The following OPCML variants were observed in gnomAD, a reference collection of about 807,000 sequenced individuals.
OPCML encodes opioid binding protein/cell adhesion molecule like, also known as opioid-binding protein/cell adhesion molecule.
OPCML carries 13 observed loss-of-function variants against 37.8 expected under a neutral mutation model. The observed-to-expected ratio is 0.34, with a 90% CI of 0.22 to 0.55. The LOEUF is 0.55. OPCML is among the 20% of genes least tolerant of loss of function. OPCML has a pLI of 0.91. For synonymous variants in OPCML, 176 were observed against 168.8 expected (o/e 1.04, Z -0.33); for missense variants, 341 against 435.6 (o/e 0.78, Z 1.93).
rs528011580 is a variant in OPCML, at chr11:133,517,281, A to G, written c.61+14983T>C. Among the ~76,000 whole-genome samples, 9 of 152,370 alleles carry G rather than the reference A, an allele frequency of 5.9e-5. No individual in the cohort carries two copies. The South Asian group carries it at 1.9e-3, about 32-fold the overall frequency. ...ATATGTGTAGTGATTATATATTTCTATACATGTGTAGTAGTAACCTATATA... is the reference window on the plus strand; with the variant it reads ...ATATGTGTAGTGATTATATATTTCTGTACATGTGTAGTAGTAACCTATATA... On this transcript the variant is annotated intron_variant, in intron 1 of 7. Coordinates refer to ENST00000524381, the MANE Select transcript of OPCML (RefSeq NM_001012393.5).
intron 3 of OPCML, among the ~76,000 whole-genome samples, chr11:132,586,968 G>A (rs1289040145): frequency 2.0e-5 from 3 of 152,072 alleles, no homozygotes; most frequent in South Asian, 2.1e-4. Context: ...TTATGCATTC[G>A]GGCATATGCA....
At chr11:133,294,292 T>C (rs907192386) in intron 1 of OPCML, among the ~76,000 whole-genome samples, 15 of 152,088 alleles carry the variant, frequency 9.9e-5, no homozygotes, top group Non-Finnish European at 1.5e-4. Flanking sequence ...AACAGAGCAG[T>C]GGCCTCCCCT....
rs151113119 is a variant in OPCML at position 132,698,175 on chromosome 11, T to C, written c.147-40856A>G. Among the ~76,000 whole-genome samples, 582 of 152,112 alleles carry C rather than the reference T, an allele frequency of 3.8e-3. 4 individuals are homozygous for C. The highest frequency in any genetic ancestry group is 0.021 in the South Asian group (103 of 4,812). ...GGCATATACCCAGAAGTAAGATTGCTGGATCATTTGATAGTTCTCTTTTTA... is the reference window on the plus strand; with the variant it reads ...GGCATATACCCAGAAGTAAGATTGCCGGATCATTTGATAGTTCTCTTTTTA... On this transcript the variant is annotated intron_variant, in intron 2 of 7. Coordinates refer to ENST00000524381, the MANE Select transcript of OPCML (RefSeq NM_001012393.5).
At chr11:133,462,110 A>G (rs1158012711) in intron 1 of OPCML, among the ~76,000 whole-genome samples, 1 of 152,036 alleles carries the variant, frequency 6.6e-6, no homozygotes, top group East Asian at 1.9e-4. Context: ...AATTTAGCCC[A>G]TATACAAAAA....
chr11:132,693,259 C>G (rs997476696), intron 2 of OPCML, among the ~76,000 whole-genome samples: 6 of 152,150 alleles, frequency 3.9e-5, no homozygotes, highest in Non-Finnish European at 8.8e-5. Flanking sequence ...AGATTGAAGG[C>G]AGAGGAGACA....
chr11:132,732,431 T>C (rs1945109174), intron 2 of OPCML, among the ~76,000 whole-genome samples: 1 of 152,166 alleles, frequency 6.6e-6, no homozygotes, highest in African/African-American at 2.4e-5. Flanking sequence ...GAGGTATTGA[T>C]GGGTTTATCT....
intron 1 of OPCML, among the ~76,000 whole-genome samples, chr11:133,358,410 A>G (rs1301964006): frequency 6.6e-6 from 1 of 152,180 alleles, no homozygotes; most frequent in Non-Finnish European, 1.5e-5. Flanking sequence ...CACCCCAACT[A>G]TTGCCTTGAC....
chr11:133,087,606 T>C (rs1948836473), intron 1 of OPCML, among the ~76,000 whole-genome samples: 1 of 152,230 alleles, frequency 6.6e-6, no homozygotes, highest in Non-Finnish European at 1.5e-5. Context: ...ACATATTAAT[T>C]TTCTGTCGCA....
At chr11:132,863,733 C>G (rs182733660) in intron 2 of OPCML, among the ~76,000 whole-genome samples, 1 of 152,272 alleles carries the variant, frequency 6.6e-6, no homozygotes, top group Admixed American at 6.5e-5. Context: ...GACGCCCACA[C>G]CCAGAAGGGA....
At chr11:133,107,003 C>T (rs886399452) in intron 1 of OPCML, among the ~76,000 whole-genome samples, 2 of 152,154 alleles carry the variant, frequency 1.3e-5, no homozygotes, top group Non-Finnish European at 2.9e-5. Context: ...TAATACGTTC[C>T]GGTCTTGGGT....
At chr11:132,427,552 C>T (rs1057396874) in intron 7 of OPCML, among the ~76,000 whole-genome samples, 5 of 152,164 alleles carry the variant, frequency 3.3e-5, no homozygotes, top group Non-Finnish European at 1.5e-5. Context: ...TGAAACCAGT[C>T]GATAAAGAGG....
intron 2 of OPCML, among the ~76,000 whole-genome samples, chr11:132,808,634 G>C (rs998892758): frequency 3.3e-5 from 5 of 152,094 alleles, no homozygotes; most frequent in African/African-American, 9.7e-5. Flanking sequence ...ACTGTGAGCG[G>C]GTATGACTGT....
chr11:132,637,708 T>C (rs1303155598), intron 3 of OPCML, among the ~76,000 whole-genome samples: 1 of 152,106 alleles, frequency 6.6e-6, no homozygotes, highest in East Asian at 1.9e-4. Flanking sequence ...CCTCAGGCAT[T>C]AATTAAGTGA....
intron 4 of OPCML, 137 bp downstream of exon 4, chr11:132,528,924 C>A: frequency 3.7e-6 from 2 of 541,816 alleles, no homozygotes; most frequent in Non-Finnish European, 6.6e-6. Flanking sequence ...AAATAGCCAG[C>A]AATTGGTGCA....
chr11:133,197,696 C>T (rs1276687908), intron 1 of OPCML, among the ~76,000 whole-genome samples: 1 of 152,184 alleles, frequency 6.6e-6, no homozygotes, highest in African/African-American at 2.4e-5. Context: ...TACATTGATG[C>T]AGCTGGTATT....
chr11:133,461,146 C>CT (rs968431703), intron 1 of OPCML, among the ~76,000 whole-genome samples: 1 of 151,860 alleles, frequency 6.6e-6, no homozygotes. Context: ...AACTGAACTT[C>CT]TTTTTTTAGG....
chr11:133,322,343 T>C (rs895644092), intron 1 of OPCML, among the ~76,000 whole-genome samples: 1 of 152,246 alleles, frequency 6.6e-6, no homozygotes, highest in Non-Finnish European at 1.5e-5. Context: ...CAGATATACA[T>C]GCACATCCCG....
chr11:132,773,560 G>A (rs550119370), intron 2 of OPCML, among the ~76,000 whole-genome samples: 1 of 152,310 alleles, frequency 6.6e-6, no homozygotes, highest in African/African-American at 2.4e-5. Context: ...CATCATGGTG[G>A]CATTTTCTTA....
chr11:133,027,794 G>A (rs12364107), intron 1 of OPCML, among the ~76,000 whole-genome samples: 23 of 148 alleles, frequency 0.16, no homozygotes, highest in East Asian at 0.25. Context: ...TATGTGGTGT[G>A]TGTGTGTGTG....
Sources: gnomAD v4.1 joint callset for allele counts (sites outside exome capture counted in the v4.1 genomes callset) on GRCh38, gnomAD v4.1.1 for gene constraint, MANE v1.5 for transcripts, NCBI Gene and HGNC (gene_info 2026-07-23, HGNC 2026-07-21) for gene names.